The following NKD1 variants were observed in gnomAD, a reference collection of about 807,000 sequenced individuals.
The protein encoded by NKD1 is protein naked cuticle homolog 1.
Under a neutral mutation model 56.0 loss-of-function variants are expected in NKD1, and 21 were observed. The ratio of observed to expected loss-of-function variants is 0.38; its 90% CI spans 0.27 to 0.54. The LOEUF is 0.54. Among genes scored for constraint, NKD1 ranks in the 20% least tolerant of loss-of-function variants. The pLI is 0.82. For missense variants in NKD1, 578 were observed against 642.7 expected (o/e 0.90, Z 1.09); for synonymous variants, 263 against 265.7 (o/e 0.99, Z 0.10).
At chr16:50,595,257 C>T (rs533513861) in intron 3 of NKD1, among the ~76,000 whole-genome samples, 21 of 152,268 alleles carry the variant, frequency 1.4e-4, no homozygotes, top group African/African-American at 4.3e-4. Context: ...CCTTTTTGAG[C>T]CCTTAGTTTC....
chr16:50,611,272 G>T (rs1027081106), intron 4 of NKD1, among the ~76,000 whole-genome samples: 2 of 152,154 alleles, frequency 1.3e-5, no homozygotes, highest in Non-Finnish European at 2.9e-5. Flanking sequence ...CTATCTCTGT[G>T]TCTCATCTCT....
intron 3 of NKD1, among the ~76,000 whole-genome samples, chr16:50,573,246 A>G (rs1413296865): frequency 1.3e-5 from 2 of 152,184 alleles, no homozygotes; most frequent in Non-Finnish European, 2.9e-5. Flanking sequence ...CTTCAGCACC[A>G]CACAATCTCA....
chr16:50,572,593 A>G (rs541404782), intron 3 of NKD1, among the ~76,000 whole-genome samples: 3 of 152,014 alleles, frequency 2.0e-5, no homozygotes, highest in Non-Finnish European at 2.9e-5. Context: ...TTTGTGCTCT[A>G]ACTCAGGGGA....
chr16:50,571,494 A>T (rs1368580573), intron 3 of NKD1: 40 of 985,252 alleles, frequency 4.1e-5, no homozygotes, highest in Non-Finnish European at 4.6e-5. Context: ...GCCTGTCGGA[A>T]GCAGCCTTCC....
Position 50,634,645 on chromosome 16 carries a change from C to CT in NKD1, c.*865dup, listed in dbSNP as rs1446705449. 2 of 152,370 alleles carry CT rather than the reference C, an allele frequency of 1.3e-5. No individual in the cohort carries two copies. Among genetic ancestry groups the CT allele is most frequent in the African/African-American group, 4.8e-5 (2 of 41,452 alleles). The allele number at this position is 152,370 out of a possible 1,614,324, so 9.4% of individuals were successfully genotyped here. On this transcript the variant is annotated 3_prime_UTR_variant, in exon 10 of 10. Coordinates refer to ENST00000268459, the MANE Select transcript of NKD1 (RefSeq NM_033119.5). Reference sequence around the variant, plus strand: ...CATATATACGTACCTACACGGTTCTCTAACAGAGCTTTCTGTATCTATAGA... The same window carrying CT: ...CATATATACGTACCTACACGGTTCTCTTAACAGAGCTTTCTGTATCTATAGA...
Position 50,573,273 on chromosome 16 carries a change from C to A in NKD1, c.192+23718C>A, listed in dbSNP as rs184908528. ...ACAATCTCAATCCCTGTGGTGCCCC[C>A]CTGCACCCTGTCTGGTCTCCAGGTG... is the stretch of plus-strand genomic sequence containing the variant. On this transcript the variant is annotated intron_variant, in intron 3 of 9. Transcript: ENST00000268459. Among the ~76,000 whole-genome samples, 543 of 151,850 alleles carry A rather than the reference C, an allele frequency of 3.6e-3. 3 individuals carry two copies. The highest frequency in any genetic ancestry group is 0.013 in the African/African-American group (521 of 41,100).
intron 3 of NKD1, among the ~76,000 whole-genome samples, chr16:50,595,602 C>T (rs1961455644): frequency 6.6e-6 from 1 of 152,174 alleles, no homozygotes; most frequent in Non-Finnish European, 1.5e-5. Context: ...CTCTTGCCTC[C>T]CCTATGACTC....
intron 6 of NKD1, among the ~76,000 whole-genome samples, chr16:50,627,201 G>C (rs569835659): frequency 3.3e-5 from 5 of 152,320 alleles, no homozygotes; most frequent in Admixed American, 1.3e-4. Context: ...TCCGGGGTCT[G>C]ACTTTGGGGA....
intron 6 of NKD1, among the ~76,000 whole-genome samples, chr16:50,629,972 T>C (rs1156988265): frequency 6.6e-6 from 1 of 152,084 alleles, no homozygotes; most frequent in African/African-American, 2.4e-5. Flanking sequence ...CCTTTTCTCT[T>C]ATGGGATTTT....
At chr16:50,590,367 C>T (rs1449718957) in intron 3 of NKD1, among the ~76,000 whole-genome samples, 1 of 152,274 alleles carries the variant, frequency 6.6e-6, no homozygotes, top group East Asian at 1.9e-4. Context: ...CATGTGTTCA[C>T]ACCCTCCTAT....
In NKD1 at chr16:50,633,051, T is replaced by G; in HGVS notation, c.824-141T>G. 1 of 701,230 alleles carries G rather than the reference T, an allele frequency of 1.4e-6. No homozygotes were observed. Among genetic ancestry groups the G allele is most frequent in the South Asian group, 2.6e-5 (1 of 38,438 alleles). 43.4% of individuals were successfully genotyped at this position (701,230 alleles called of 1,614,324 possible). A position where few individuals can be genotyped will look rare whatever the true frequency, so the allele number is the denominator to read the frequency against. On this transcript the variant is annotated intron_variant, in intron 9 of 9. Coordinates refer to ENST00000268459, the MANE Select transcript of NKD1 (RefSeq NM_033119.5). The surrounding 1 kb of genome is among the most constrained non-coding windows in gnomAD (Gnocchi z 4.9). The stretch of plus-strand genomic sequence containing the variant: ...AAAGTTCCATTTCAGAGAGTTTTCC[T>G]GCAAGGCAGTGAGGGGCAGTCAGGG...
At chr16:50,558,320 A>G (rs1442610974) in intron 3 of NKD1, 1 of 152,226 alleles carries the variant, frequency 6.6e-6, no homozygotes, top group Admixed American at 6.5e-5. Flanking sequence ...ATAAAAGGAC[A>G]CACGAGTGAG....
Position 50,602,310 on chromosome 16 carries a change from C to T in NKD1, c.193-5984C>T, listed in dbSNP as rs549709101. ...AAGAGATCTGCCCATTGATGGGATG[C>T]GGGCTGGAACCCCAGAAGGTCTGTG... On this transcript the variant is annotated intron_variant, in intron 3 of 9. Coordinates refer to ENST00000268459, the MANE Select transcript of NKD1 (RefSeq NM_033119.5). Among the ~76,000 whole-genome samples the T allele has an allele frequency of 9.2e-5, 14 of 152,252 alleles. No homozygotes were observed. In the East Asian group the frequency reaches 1.7e-3, roughly 19 times the overall value.
chr16:50,576,240 G>T (rs902810586), intron 3 of NKD1, among the ~76,000 whole-genome samples: 3 of 152,158 alleles, frequency 2.0e-5, no homozygotes, highest in Non-Finnish European at 4.4e-5. Flanking sequence ...GGGCAGATGT[G>T]GGTATTGCCT....
chr16:50,575,338 A>G (rs1329313402), intron 3 of NKD1: 10 of 985,270 alleles, frequency 1.0e-5, no homozygotes, highest in Non-Finnish European at 1.2e-5. Context: ...TGTTTGCTTC[A>G]TAGGCCAGAG....
At chr16:50,567,186 G>A (rs1027399920) in intron 3 of NKD1, among the ~76,000 whole-genome samples, 8 of 152,166 alleles carry the variant, frequency 5.3e-5, no homozygotes, top group African/African-American at 1.4e-4. Context: ...AATGCCCACC[G>A]TTTGGAGTTG....
At chr16:50,548,810 G>A in intron 2 of NKD1, 61 bp downstream of exon 2, 1 of 1,340,062 alleles carries the variant, frequency 7.5e-7, no homozygotes, top group South Asian at 1.9e-5. Flanking sequence ...GGCCGCGGCA[G>A]AACGGCCCAG....
chr16:50,632,288 G>C lies in NKD1; in HGVS notation c.703G>C (p.Gly235Arg), dbSNP rs143858932. Residue 235 changes from glycine to arginine, a missense_variant, in exon 9 of 10, where the codon GGT (glycine) becomes CGT (arginine). Gly to Arg is a moderately radical substitution (Grantham distance 125). Coordinates refer to ENST00000268459, the MANE Select transcript of NKD1 (RefSeq NM_033119.5). The surrounding 1 kb of genome is among the most constrained non-coding windows in gnomAD (Gnocchi z 4.1). ...TTGCCTCCCCTGCCGTAGGTTCCAG[G>C]GTGACAGCCGCCTGGAGCAGTCTGG... is the stretch of plus-strand genomic sequence containing the variant. ...KKQRAPLRFQ[G>R]DSRLEQSGCY... The C allele has an allele frequency of 8.7e-6, 14 of 1,613,984 alleles. No individual in the cohort carries two copies. The highest frequency in any genetic ancestry group is 1.1e-5 in the Non-Finnish European group (13 of 1,179,972).
chr16:50,608,360 G>T lies in NKD1; in HGVS notation c.259G>T (p.Val87Leu). The T allele has an allele frequency of 6.2e-7, 1 of 1,609,262 alleles. No individual in the cohort carries two copies. ...AGAGGAGGACGACTTTCGGCTGGAA[G>T]GTATTCGGAGTCCATTGCTCTCTTC... Reference protein sequence around the residue: ...EEEEDDFRLEVALPPEKTDGL... With the variant: ...EEEEDDFRLELALPPEKTDGL... Residue 87 changes from valine (V) to leucine (L), a missense_variant and splice_region_variant, in exon 4 of 10, where the codon GTG becomes TTG. Transcript: ENST00000268459.
Sources: allele counts gnomAD v4.1 joint callset (sites outside exome capture counted in the v4.1 genomes callset), GRCh38; gene constraint gnomAD v4.1.1; non-coding constraint Gnocchi (gnomAD v3.1); transcripts MANE v1.5; gene names NCBI Gene and HGNC (gene_info 2026-07-23, HGNC 2026-07-21).